FGF13: variants seen among roughly 807,000 people sequenced by gnomAD.
The protein encoded by FGF13 is fibroblast growth factor 13, also known as fibroblast growth factor homologous factor 2.
In FGF13, 2 loss-of-function variants were observed where a neutral mutation model predicts 19.5. The observed-to-expected ratio is 0.10, with a 90% CI of 0.04 to 0.32. The LOEUF (loss-of-function observed/expected upper bound fraction) is 0.32, where lower values mean the gene tolerates loss of function less well. Among genes scored for constraint, FGF13 ranks in the 10% least tolerant of loss-of-function variants. The pLI, the probability that FGF13 is intolerant of heterozygous loss-of-function variation, is 1.00. For missense variants in FGF13, 113 were observed against 192.7 expected (o/e 0.59, Z 2.45); for synonymous variants, 72 against 76.9 (o/e 0.94, Z 0.33).
upstream of FGF13, chrX:139,204,238 C>T (rs1308993071): frequency 1.7e-6 from 1 of 603,035 alleles, no homozygotes; most frequent in African/African-American, 2.2e-5. Flanking sequence ...GGGCGGAATC[C>T]GCTTTTCCCC....
At chrX:138,755,701 CTTG>C (rs1361895699) in intron 3 of FGF13, among the ~76,000 whole-genome samples, 2 of 112,392 alleles carry the variant, frequency 1.8e-5, no homozygotes, top group Non-Finnish European at 3.8e-5. Flanking sequence ...TTCTGCAAAA[CTTG>C]TTGTTTGACA....
intron 1 of FGF13, among the ~76,000 whole-genome samples, chrX:139,103,809 A>C (rs1454113876): frequency 8.9e-6 from 1 of 112,206 alleles, no homozygotes; most frequent in East Asian, 2.8e-4. Context: ...GAGAGGGAGA[A>C]GTGAGAACAC....
intron 1 of FGF13, among the ~76,000 whole-genome samples, chrX:138,971,009 T>C (rs767389654): frequency 8.9e-6 from 1 of 111,822 alleles, no homozygotes; most frequent in Admixed American, 9.5e-5. Context: ...GGGTTCATGA[T>C]GAACTGTATT....
At chrX:138,672,969 G>A (rs903558648) in intron 3 of FGF13, among the ~76,000 whole-genome samples, 1 of 111,386 alleles carries the variant, frequency 9.0e-6, no homozygotes, top group Non-Finnish European at 1.9e-5. Flanking sequence ...CCACTGTTTA[G>A]GTCAAGGAAG....
At chrX:138,651,988 A>G (rs1160782808) in intron 3 of FGF13, among the ~76,000 whole-genome samples, 1 of 111,458 alleles carries the variant, frequency 9.0e-6, no homozygotes, top group Non-Finnish European at 1.9e-5. Context: ...ACACCTCCCA[A>G]TAGCTTTTCA....
At chrX:139,001,634 A>G (rs769327151) in intron 1 of FGF13, among the ~76,000 whole-genome samples, 1 of 112,184 alleles carries the variant, frequency 8.9e-6, no homozygotes, top group South Asian at 3.8e-4. Flanking sequence ...CAAATCCACA[A>G]TGAGATACCA....
rs1245331536 is a variant in FGF13 at position 139,053,987 on chromosome X, C to G, written c.-113+149429G>C. ...CTCCTACATGTGGCCAGCCAATTAT[C>G]CCAGCACCATTTGTTGAAAAGGGTG... On this transcript the variant is annotated intron_variant, in intron 1 of 2. Coordinates refer to the FGF13 transcript ENST00000421460. 2.7e-5 allele frequency among the ~76,000 whole-genome samples: 3 copies of G among 110,827 alleles called. No individual in the cohort carries two copies. In the South Asian group the frequency reaches 1.2e-3, roughly 43 times the overall value.
intron 3 of FGF13, among the ~76,000 whole-genome samples, chrX:138,696,094 T>C (rs1200069981): frequency 9.0e-6 from 1 of 111,719 alleles, no homozygotes; most frequent in Non-Finnish European, 1.9e-5. Flanking sequence ...ACAATCCAAA[T>C]GTCCATCAAC....
chrX:139,152,610 G>A (rs1161796067), intron 1 of FGF13, among the ~76,000 whole-genome samples: 1 of 110,719 alleles, frequency 9.0e-6, no homozygotes, highest in Non-Finnish European at 1.9e-5. Flanking sequence ...TGGGACTTGG[G>A]ATCCCCAGTC....
chrX:139,059,742 A>C lies in FGF13; in HGVS notation c.-113+143674T>G, dbSNP rs184980308. 9.1e-3 allele frequency among the ~76,000 whole-genome samples: 1,021 copies of C among 112,581 alleles called. 10 individuals carry two copies. Among genetic ancestry groups the C allele is most frequent in the African/African-American group, 0.03 (945 of 31,036 alleles). On this transcript the variant is annotated intron_variant, in intron 1 of 2. Coordinates refer to the FGF13 transcript ENST00000421460. Reference sequence around the variant, plus strand: ...GTATATGGATGTGATTAGCTACTTTAAACTGCCATATAGCCTTCCATTTTA... The same window carrying C: ...GTATATGGATGTGATTAGCTACTTTCAACTGCCATATAGCCTTCCATTTTA...
At chrX:138,915,768 AC>A in intron 1 of FGF13, among the ~76,000 whole-genome samples, 1 of 111,831 alleles carries the variant, frequency 8.9e-6, no homozygotes, top group East Asian at 2.8e-4. Context: ...ACTTTGGAAA[AC>A]TACTTAAACC....
chrX:139,053,534 G>A (rs2092309968), intron 1 of FGF13, among the ~76,000 whole-genome samples: 1 of 110,275 alleles, frequency 9.1e-6, no homozygotes, highest in Non-Finnish European at 1.9e-5. Context: ...ATGTTTGTTG[G>A]ACATTTGTAT....
chrX:138,697,315 G>C (rs1209189555), intron 3 of FGF13, among the ~76,000 whole-genome samples: 1 of 110,872 alleles, frequency 9.0e-6, no homozygotes, highest in Non-Finnish European at 1.9e-5. Flanking sequence ...GTAAATTTAA[G>C]GTATGTGAAA....
In FGF13 at chrX:138,628,482, G is replaced by A. The variant is rs897243898; in HGVS notation, c.*4368C>T. The A allele has an allele frequency of 4.5e-5, 5 of 112,142 alleles. No homozygotes were observed. Among genetic ancestry groups the A allele is most frequent in the Admixed American group, 1.9e-4 (2 of 10,577 alleles). 9.2% of individuals were successfully genotyped at this position (112,142 alleles called of 1,213,427 possible). A position where few individuals can be genotyped will look rare whatever the true frequency, so the allele number is the denominator to read the frequency against. On this transcript the variant is annotated 3_prime_UTR_variant, in exon 5 of 5. Transcript: ENST00000315930. ...ATTTTCAGAAACAATAGAAAAAAGC[G>A]TAGATTGTCTTGCAGAGATTGTTAA...
intron 3 of FGF13, among the ~76,000 whole-genome samples, chrX:138,768,296 A>C (rs185031510): frequency 8.9e-6 from 1 of 112,189 alleles, no homozygotes; most frequent in Admixed American, 9.5e-5. Context: ...GCATTGTCTG[A>C]TGTATAAGCT....
exon 3 of FGF13, chrX:138,857,545 G>T (rs2091265118): frequency 8.3e-7 from 1 of 1,204,951 alleles, no homozygotes; most frequent in African/African-American, 1.8e-5. Context: ...TGGTGTACTT[G>T]CTTCAGCGGG....
intron 2 of FGF13, among the ~76,000 whole-genome samples, chrX:138,704,397 A>C (rs1399553870): frequency 8.9e-6 from 1 of 112,361 alleles, no homozygotes; most frequent in African/African-American, 3.2e-5. Flanking sequence ...TCTTTTGAAA[A>C]TAGCCTGTGC....
intron 3 of FGF13, among the ~76,000 whole-genome samples, chrX:138,821,206 AAGGAGAT>A (rs2090996869): frequency 9.0e-6 from 1 of 111,566 alleles, no homozygotes; most frequent in Non-Finnish European, 1.9e-5. Flanking sequence ...GAAGTGAAAA[AAGGAGAT>A]ACATTCTAGA....
intron 1 of FGF13, among the ~76,000 whole-genome samples, chrX:139,099,989 A>C (rs1381190516): frequency 1.9e-5 from 2 of 107,461 alleles, no homozygotes; most frequent in African/African-American, 6.8e-5. Context: ...CCACAACCCC[A>C]AAAATAATGC....
Sources: gnomAD v4.1 joint callset for allele counts (sites outside exome capture counted in the v4.1 genomes callset) on GRCh38, gnomAD v4.1.1 for gene constraint, MANE v1.5 for transcripts, NCBI Gene and HGNC (gene_info 2026-07-23, HGNC 2026-07-21) for gene names.